GGA2: variants seen among roughly 807,000 people sequenced by gnomAD.
GGA2 encodes the protein golgi associated, gamma adaptin ear containing, ARF binding protein 2, also known as ADP-ribosylation factor-binding protein GGA2.
A neutral mutation model predicts 79.5 loss-of-function variants in GGA2; 48 were observed. The observed-to-expected ratio is 0.60, with a 90% CI of 0.48 to 0.77. The LOEUF (loss-of-function observed/expected upper bound fraction) is 0.77, where lower values mean the gene tolerates loss of function less well. Among genes scored for constraint, GGA2 ranks in the 30% least tolerant of loss-of-function variants. The pLI is 0.00. For synonymous variants in GGA2, 317 were observed against 302.0 expected (o/e 1.05, Z -0.51); for missense variants, 770 against 774.0 (o/e 0.99, Z 0.06).
intron 6 of GGA2, among the ~76,000 whole-genome samples, chr16:23,487,478 G>A (rs753737355): frequency 1.3e-5 from 2 of 152,112 alleles, no homozygotes; most frequent in Admixed American, 6.5e-5. Flanking sequence ...GGCCCAAAAG[G>A]GGACTAGGTC....
chr16:23,483,064 A>G lies in GGA2; in HGVS notation c.799-60T>C, dbSNP rs890325629. 2.0e-5 allele frequency: 21 copies of G among 1,069,696 alleles called. No individual in the cohort carries two copies. The African/African-American group carries it at 2.2e-4, about 11-fold the overall frequency. The allele number at this position is 1,069,696 out of a possible 1,614,324, so 66.3% of individuals were successfully genotyped here. On this transcript the variant is annotated intron_variant, in intron 8 of 16. Coordinates refer to ENST00000309859, the MANE Select transcript of GGA2 (RefSeq NM_015044.4). ...CAGGCACCCCATAACGCCCCCCTCC[A>G]GGGCCCCAGGAGCCTTCGATCAGGC...
intron 14 of GGA2, among the ~76,000 whole-genome samples, chr16:23,471,121 G>A (rs573987607): frequency 2.0e-4 from 31 of 152,096 alleles, no homozygotes; most frequent in Admixed American, 1.4e-3. Context: ...GATTACAGGC[G>A]TGAGCCACTG....
chr16:23,514,378 G>T (rs1210259477), upstream of GGA2, among the ~76,000 whole-genome samples: 2 of 152,026 alleles, frequency 1.3e-5, no homozygotes, highest in Non-Finnish European at 2.9e-5. Context: ...AAAATGCTGG[G>T]ATTACAAGAG....
intron 9 of GGA2, among the ~76,000 whole-genome samples, chr16:23,482,405 T>C (rs1178516549): frequency 2.0e-5 from 3 of 152,194 alleles, no homozygotes. Context: ...GAGTGAAGAA[T>C]ATATAGGTTT....
At chr16:23,479,019 A>C in intron 11 of GGA2, 108 bp from the exon 12 acceptor site, 2 of 815,454 alleles carry the variant, frequency 2.5e-6, no homozygotes, top group Non-Finnish European at 2.1e-6. Flanking sequence ...GTCTAGACAA[A>C]TAAGCAACTT....
chr16:23,498,692 T>C (rs1004432261), intron 1 of GGA2, among the ~76,000 whole-genome samples: 1 of 152,240 alleles, frequency 6.6e-6, no homozygotes, highest in African/African-American at 2.4e-5. Context: ...CAAAGGATAA[T>C]TGTTTATTAT....
At chr16:23,491,030 C>CA (rs1405455951) in intron 5 of GGA2, among the ~76,000 whole-genome samples, 1 of 151,790 alleles carries the variant, frequency 6.6e-6, no homozygotes, top group Non-Finnish European at 1.5e-5. Context: ...CCTGTCTCTA[C>CA]AAAAAATACA....
At chr16:23,513,808 A>AAAAAG (rs1555501630), upstream of GGA2, among the ~76,000 whole-genome samples, 6 of 150,256 alleles carry the variant, frequency 4.0e-5, no homozygotes, top group South Asian at 2.1e-4. Flanking sequence ...AAAGAAAGAA[A>AAAAAG]AAAAGAAAAG....
chr16:23,486,071 T>C lies in GGA2; in HGVS notation c.742A>G (p.Met248Val), dbSNP rs1964708290. The change falls in exon 8 of 17, where the codon ATG becomes GTG. Residue 248 changes from methionine (M) to valine (V), a missense_variant. Met to Val is a conservative substitution (Grantham distance 21). Coordinates refer to ENST00000309859, the MANE Select transcript of GGA2 (RefSeq NM_015044.4). ...VRSHVKVLQE[M>V]LSMYRRPGQA... ...CCTGGCCTGCGGTACATGCTCAGCA[T>C]CTCCTGCAGCACCTTCACATGGCTT... is the stretch of plus-strand genomic sequence containing the variant. The C allele has an allele frequency of 3.1e-6, 5 of 1,614,024 alleles. No homozygotes were observed. The highest frequency in any genetic ancestry group is 3.4e-6 in the Non-Finnish European group (4 of 1,179,986).
At position 23,506,422 on chromosome 16, in the gene GGA2, A is replaced by G. The variant is rs1207427748; in HGVS notation, c.91+3899T>C. On this transcript the variant is annotated intron_variant, in intron 1 of 16. Coordinates refer to ENST00000309859, the MANE Select transcript of GGA2 (RefSeq NM_015044.4). ...ACTGCAACCCACATTCCTGATGTCC[A>G]GTCAGCATTCTGCAGTCCTCACTCA... is the stretch of plus-strand genomic sequence containing the variant. 2.0e-5 allele frequency among the ~76,000 whole-genome samples: 3 copies of G among 152,210 alleles called. No homozygotes were observed. In the East Asian group the frequency reaches 5.8e-4, roughly 29 times the overall value.
chr16:23,497,598 C>A (rs997580671), intron 1 of GGA2, among the ~76,000 whole-genome samples: 1 of 152,136 alleles, frequency 6.6e-6, no homozygotes, highest in Non-Finnish European at 1.5e-5. Flanking sequence ...CTCCTCCCCA[C>A]CCCCGCAAAG....
Position 23,467,266 on chromosome 16 carries a change from G to A in GGA2, c.*324C>T, listed in dbSNP as rs1484502289. 13 of 250,906 alleles carry A rather than the reference G, an allele frequency of 5.2e-5. No homozygotes were observed. The highest frequency in any genetic ancestry group is 9.2e-5 in the Non-Finnish European group (12 of 129,800). The allele number at this position is 250,906 out of a possible 1,614,324, so 15.5% of individuals were successfully genotyped here. A position where few individuals can be genotyped will look rare whatever the true frequency, so the allele number is the denominator to read the frequency against. On this transcript the variant is annotated 3_prime_UTR_variant, in exon 17 of 17. Transcript: ENST00000309859. ...CTGATAAAACCTCCAACCTGAGGCA[G>A]GGACAGTGTCGCTCGCTGACATGCA...
intron 14 of GGA2, 137 bp from the exon 15 acceptor site, chr16:23,470,302 G>A: frequency 1.7e-6 from 1 of 590,200 alleles, no homozygotes; most frequent in South Asian, 2.8e-5. Context: ...GAATTCCTCT[G>A]CACTACCATA....
intron 13 of GGA2, among the ~76,000 whole-genome samples, chr16:23,477,284 C>T (rs560437575): frequency 6.6e-6 from 1 of 152,118 alleles, no homozygotes; most frequent in East Asian, 1.9e-4. Flanking sequence ...ATTGTAGCAC[C>T]CACAATTCCC....
intron 1 of GGA2, chr16:23,501,007 G>C: frequency 3.0e-6 from 1 of 330,798 alleles, no homozygotes; most frequent in South Asian, 2.5e-5. Flanking sequence ...CCTGATCTTT[G>C]ACACACATTA....
chr16:23,501,359 G>A (rs1964919747), intron 1 of GGA2: 2 of 456,436 alleles, frequency 4.4e-6, no homozygotes, highest in Admixed American at 4.7e-5. Context: ...GAGTGTGGAT[G>A]ACAGCCAGAA....
intron 1 of GGA2, among the ~76,000 whole-genome samples, chr16:23,509,501 T>C (rs1965011360): frequency 6.6e-6 from 1 of 152,132 alleles, no homozygotes; most frequent in Non-Finnish European, 1.5e-5. Context: ...AAAAATGTTT[T>C]GGTGAGCAAG....
chr16:23,481,348 G>A (rs997927509), intron 9 of GGA2, among the ~76,000 whole-genome samples: 3 of 152,138 alleles, frequency 2.0e-5, no homozygotes, highest in Non-Finnish European at 4.4e-5. Flanking sequence ...ACTCCAGCCG[G>A]GGCAGCAAGA....
At chr16:23,512,469 T>C (rs1403774359), upstream of GGA2, among the ~76,000 whole-genome samples, 1 of 152,148 alleles carries the variant, frequency 6.6e-6, no homozygotes, top group Non-Finnish European at 1.5e-5. Flanking sequence ...ACGTATGCCA[T>C]ACAGAAGCAC....
Sources: allele counts gnomAD v4.1 joint callset (sites outside exome capture counted in the v4.1 genomes callset), GRCh38; gene constraint gnomAD v4.1.1; transcripts MANE v1.5; gene names NCBI Gene and HGNC (gene_info 2026-07-23, HGNC 2026-07-21).